Variants in PXDNL observed in about 807,000 individuals in gnomAD.
PXDNL encodes the protein peroxidasin like, also known as probable oxidoreductase PXDNL.
In PXDNL, 145 loss-of-function variants were observed where a neutral mutation model predicts 150.8. The ratio of observed to expected loss-of-function variants is 0.96; its 90% CI spans 0.84 to 1.10. The LOEUF is 1.10. PXDNL is among the 50% of genes least tolerant of loss of function. PXDNL has a pLI of 0.00. For synonymous variants in PXDNL, 757 were observed against 725.7 expected, an observed-to-expected ratio of 1.04 and a Z score of -0.69; for missense variants, 2,087 against 1,873.9, an observed-to-expected ratio of 1.11 and a Z score of -2.10.
intron 12 of PXDNL, among the ~76,000 whole-genome samples, chr8:51,434,092 T>C (rs1312625541): frequency 6.6e-6 from 1 of 152,260 alleles, no homozygotes; most frequent in Non-Finnish European, 1.5e-5. Context: ...TACAATACTA[T>C]ATTCTCAGTT....
rs751087527 is a variant in PXDNL, at chr8:51,409,557, GA to G, written c.2066del (p.Phe689SerfsTer58). On this transcript the variant is annotated frameshift_variant, in exon 17 of 23. Transcript: ENST00000356297. LOFTEE classifies it high-confidence loss of function. ...GCGGGGACACCAAGTCATTGTACCG[GA>G]ATTCTGAAAGGCAAGCGGCGAAAGC... ...GLTVDLEGKE[F>X]RYNDLVSPRS... 5.1e-6 allele frequency: 8 copies of G among 1,565,184 alleles called. No individual in the cohort carries two copies. In the African/African-American group the frequency reaches 1.1e-4, roughly 21 times the overall value.
At chr8:51,477,751 C>T (rs1033116635) in intron 6 of PXDNL, among the ~76,000 whole-genome samples, 2 of 152,182 alleles carry the variant, frequency 1.3e-5, no homozygotes, top group African/African-American at 4.8e-5. Flanking sequence ...GCAGCCTCAC[C>T]ATGCAATTGC....
intron 3 of PXDNL, among the ~76,000 whole-genome samples, chr8:51,578,951 C>A (rs947591931): frequency 9.9e-5 from 15 of 151,958 alleles, no homozygotes; most frequent in Admixed American, 7.9e-4. Flanking sequence ...TTTACAAAAA[C>A]TAACTCTATG....
chr8:51,472,205 A>G lies in PXDNL; in HGVS notation c.794T>C (p.Ile265Thr), dbSNP rs1460245374. 1 of 1,611,614 alleles carries G rather than the reference A, an allele frequency of 6.2e-7. No individual in the cohort carries two copies. The highest frequency in any genetic ancestry group is 1.7e-5 in the Admixed American group (1 of 60,010). ...TATTTACTTGTTGTGTATCCAAATA[A>G]TCTCAGGTTTGGGGTTTCCTTCCGC... ...CRAEGNPKPEIIWIHNNHSLD... is the reference protein window; with the variant it reads ...CRAEGNPKPETIWIHNNHSLD... The change falls in exon 8 of 23, where the codon ATT (isoleucine) becomes ACT (threonine). Residue 265 changes from isoleucine to threonine, a missense_variant. Transcript: ENST00000356297.
At chr8:51,616,709 A>G (rs1814138379) in intron 2 of PXDNL, among the ~76,000 whole-genome samples, 1 of 152,220 alleles carries the variant, frequency 6.6e-6, no homozygotes, top group Non-Finnish European at 1.5e-5. Flanking sequence ...CCTACACATC[A>G]CTTCATTCCC....
At chr8:51,712,465 T>G (rs531637507) in intron 1 of PXDNL, among the ~76,000 whole-genome samples, 35 of 152,360 alleles carry the variant, frequency 2.3e-4, no homozygotes, top group African/African-American at 7.9e-4. Context: ...TTTCTCTCTC[T>G]GCTAAAATGT....
At chr8:51,757,522 T>C (rs1424837421) in intron 1 of PXDNL, among the ~76,000 whole-genome samples, 1 of 152,218 alleles carries the variant, frequency 6.6e-6, no homozygotes, top group African/African-American at 2.4e-5. Context: ...TATTTCAACC[T>C]TTGCTTAGTA....
intron 3 of PXDNL, among the ~76,000 whole-genome samples, chr8:51,560,349 G>A (rs1585580450): frequency 1.3e-5 from 2 of 152,002 alleles, no homozygotes; most frequent in Admixed American, 1.3e-4. Flanking sequence ...AAGAGGCCCT[G>A]AACAGTTAAA....
intron 2 of PXDNL, among the ~76,000 whole-genome samples, chr8:51,641,356 G>C (rs1161257732): frequency 6.7e-6 from 1 of 149,404 alleles, no homozygotes; most frequent in Non-Finnish European, 1.5e-5. Flanking sequence ...TGACAAATGG[G>C]ATCTAATTAA....
At chr8:51,700,757 C>G (rs7844077) in intron 1 of PXDNL, among the ~76,000 whole-genome samples, 3 of 151,500 alleles carry the variant, frequency 2.0e-5, no homozygotes, top group Non-Finnish European at 4.4e-5. Context: ...CATACTCATA[C>G]GCACACACAT....
At chr8:51,512,420 T>C (rs185924297) in intron 4 of PXDNL, among the ~76,000 whole-genome samples, 16 of 151,706 alleles carry the variant, frequency 1.1e-4, no homozygotes, top group African/African-American at 3.6e-4. Context: ...TTCCAATACG[T>C]CCCCCTCTCA....
chr8:51,618,343 G>GA lies in PXDNL; in HGVS notation c.237-25646dup, dbSNP rs200467500. On this transcript the variant is annotated intron_variant, in intron 2 of 22. Transcript: ENST00000356297. Reference sequence around the variant, plus strand: ...GACTTCAATATACTTAATAGTAAATGAAAAAACTGAATAAAAACTTGCTGG... The same window carrying GA: ...GACTTCAATATACTTAATAGTAAATGAAAAAAACTGAATAAAAACTTGCTGG... Among the ~76,000 whole-genome samples the GA allele has an allele frequency of 7.5e-4, 114 of 152,328 alleles. No individual in the cohort carries two copies. The East Asian group carries it at 0.02, about 27-fold the overall frequency.
intron 1 of PXDNL, among the ~76,000 whole-genome samples, chr8:51,730,847 A>T (rs2130933346): frequency 6.6e-6 from 1 of 152,302 alleles, no homozygotes; most frequent in South Asian, 2.1e-4. Context: ...GCCCTTTATG[A>T]TACCATCAGA....
At chr8:51,521,020 G>A (rs998855865) in intron 4 of PXDNL, among the ~76,000 whole-genome samples, 2 of 152,052 alleles carry the variant, frequency 1.3e-5, no homozygotes, top group Admixed American at 6.5e-5. Context: ...ATTGCTAGAC[G>A]CCAGGAGTTT....
chr8:51,467,453 A>C (rs1474493668), intron 8 of PXDNL, among the ~76,000 whole-genome samples: 2 of 152,076 alleles, frequency 1.3e-5, no homozygotes, highest in African/African-American at 4.8e-5. Context: ...AATATTAGAC[A>C]CTGGGGAATA....
At chr8:51,509,974 C>T (rs1811378475) in intron 4 of PXDNL, among the ~76,000 whole-genome samples, 1 of 151,902 alleles carries the variant, frequency 6.6e-6, no homozygotes, top group Admixed American at 6.6e-5. Flanking sequence ...AGTGCCACAG[C>T]CCAGATCCTA....
At chr8:51,784,265 T>G (rs1231762425) in intron 1 of PXDNL, among the ~76,000 whole-genome samples, 1 of 152,248 alleles carries the variant, frequency 6.6e-6, no homozygotes, top group Non-Finnish European at 1.5e-5. Context: ...TTTGTTAATG[T>G]GTGAAAGATC....
At chr8:51,565,313 AATAAATAAATAGATAG>A (rs944961805) in intron 3 of PXDNL, among the ~76,000 whole-genome samples, 6 of 123,494 alleles carry the variant, frequency 4.9e-5, no homozygotes, top group African/African-American at 2.0e-4. Flanking sequence ...TAAATAAATA[AATAAATAAATAGATAG>A]ATAGATAGAT....
At chr8:51,795,556 T>C (rs1012855586) in intron 1 of PXDNL, among the ~76,000 whole-genome samples, 1 of 152,112 alleles carries the variant, frequency 6.6e-6, no homozygotes, top group Non-Finnish European at 1.5e-5. Context: ...CCTGGGTAAA[T>C]AACGAAATTA....
Sources: gnomAD v4.1 joint callset for allele counts (sites outside exome capture counted in the v4.1 genomes callset) on GRCh38, gnomAD v4.1.1 for gene constraint, MANE v1.5 for transcripts, NCBI Gene and HGNC (gene_info 2026-07-23, HGNC 2026-07-21) for gene names.